SH3RF1: variants seen among roughly 807,000 people sequenced by gnomAD.
The protein encoded by SH3RF1 is SH3 domain containing ring finger 1.
Under a neutral mutation model 74.0 loss-of-function variants are expected in SH3RF1, and 32 were observed. That is an observed-to-expected ratio of 0.43 (90% CI 0.33 to 0.58). The LOEUF is 0.58. SH3RF1 is among the 20% of genes least tolerant of loss of function. The pLI, the probability that SH3RF1 is intolerant of heterozygous loss-of-function variation, is 0.05. For synonymous variants in SH3RF1, 396 were observed against 439.6 expected (o/e 0.90, Z 1.24); for missense variants, 954 against 1,130.9 (o/e 0.84, Z 2.24).
At chr4:169,195,993 T>C (rs1734804218) in intron 2 of SH3RF1, among the ~76,000 whole-genome samples, 1 of 152,178 alleles carries the variant, frequency 6.6e-6, no homozygotes, top group Admixed American at 6.5e-5. Flanking sequence ...TTTATATTTT[T>C]AGTAGAGACA....
chr4:169,229,882 T>C (rs1024230358), intron 2 of SH3RF1, among the ~76,000 whole-genome samples: 1 of 152,216 alleles, frequency 6.6e-6, no homozygotes, highest in African/African-American at 2.4e-5. Flanking sequence ...CTGCTGTCTC[T>C]AATTGTATTT....
In SH3RF1 at chr4:169,107,184, TCAA is replaced by T; in HGVS notation, c.2158_2160del (p.Leu720del). 6.4e-7 allele frequency: 1 copy of T among 1,552,892 alleles called. No individual in the cohort carries two copies. Among genetic ancestry groups the T allele is most frequent in the Non-Finnish European group, 8.7e-7 (1 of 1,150,898 alleles). On this transcript the variant is annotated inframe_deletion, in exon 11 of 12. Coordinates refer to ENST00000284637, the MANE Select transcript of SH3RF1 (RefSeq NM_020870.4). ...TTAGTGGAGGCGCCAGAAAGCAACT[TCAA>T]CAAACCCTTTTTTTCTTTCTGGAAA... is the stretch of plus-strand genomic sequence containing the variant.
chr4:169,251,422 A>G (rs1561064972), intron 2 of SH3RF1, among the ~76,000 whole-genome samples: 1 of 152,200 alleles, frequency 6.6e-6, no homozygotes, highest in Non-Finnish European at 1.5e-5. Flanking sequence ...ATCGTGCACA[A>G]AACAAGATGA....
chr4:169,113,819 G>T (rs1442320729), intron 10 of SH3RF1, among the ~76,000 whole-genome samples: 2 of 152,210 alleles, frequency 1.3e-5, no homozygotes, highest in Non-Finnish European at 2.9e-5. Context: ...TTTGAAATCT[G>T]TGATATGAGG....
In SH3RF1 at chr4:169,174,695, C is replaced by A. The variant is rs558113274; in HGVS notation, c.394-18016G>T. Among the ~76,000 whole-genome samples, 3 of 152,302 alleles carry A rather than the reference C, an allele frequency of 2.0e-5. No homozygotes were observed. The South Asian group carries it at 6.2e-4, about 32-fold the overall frequency. On this transcript the variant is annotated intron_variant, in intron 2 of 11. Coordinates refer to ENST00000284637, the MANE Select transcript of SH3RF1 (RefSeq NM_020870.4). ...CACAAGCCATTCTCAACCCTGACTGCATATTAGGATCAACTAGGGAGTCAT... is the reference window on the plus strand; with the variant it reads ...CACAAGCCATTCTCAACCCTGACTGAATATTAGGATCAACTAGGGAGTCAT...
intron 2 of SH3RF1, among the ~76,000 whole-genome samples, chr4:169,174,403 C>A (rs1433410345): frequency 1.3e-5 from 2 of 152,162 alleles, no homozygotes; most frequent in Non-Finnish European, 2.9e-5. Context: ...GCACGAATCA[C>A]CTGGACTTCC....
intron 2 of SH3RF1, among the ~76,000 whole-genome samples, chr4:169,176,057 C>A (rs1466325830): frequency 6.6e-6 from 1 of 152,176 alleles, no homozygotes; most frequent in Non-Finnish European, 1.5e-5. Flanking sequence ...CCATGGAGCA[C>A]ACAGTAAGAA....
chr4:169,171,346 G>A (rs1014543059), intron 2 of SH3RF1, among the ~76,000 whole-genome samples: 2 of 152,170 alleles, frequency 1.3e-5, no homozygotes, highest in African/African-American at 4.8e-5. Flanking sequence ...ATTAAATTAT[G>A]TTGAGTTTGT....
intron 2 of SH3RF1, among the ~76,000 whole-genome samples, chr4:169,179,495 C>G (rs1244821241): frequency 1.3e-5 from 2 of 152,198 alleles, no homozygotes; most frequent in Admixed American, 6.5e-5. Flanking sequence ...GAACCAATAT[C>G]CAAAATTCTC....
chr4:169,173,848 A>G (rs1463298571), intron 2 of SH3RF1, among the ~76,000 whole-genome samples: 1 of 152,084 alleles, frequency 6.6e-6, no homozygotes, highest in East Asian at 1.9e-4. Flanking sequence ...CAGAGACAAG[A>G]TTTTTAAATG....
intron 2 of SH3RF1, among the ~76,000 whole-genome samples, chr4:169,266,666 T>C (rs1181701414): frequency 1.3e-5 from 2 of 151,830 alleles, no homozygotes; most frequent in Non-Finnish European, 2.9e-5. Flanking sequence ...GGTCTTGCTA[T>C]GTTGTCTAGG....
chr4:169,192,103 C>T (rs1734728637), intron 2 of SH3RF1, among the ~76,000 whole-genome samples: 1 of 152,116 alleles, frequency 6.6e-6, no homozygotes, highest in African/African-American at 2.4e-5. Context: ...GCAGAGTAAA[C>T]AGACAACCCA....
intron 11 of SH3RF1, among the ~76,000 whole-genome samples, chr4:169,105,219 G>A (rs1171217798): frequency 3.3e-5 from 5 of 152,040 alleles, no homozygotes; most frequent in Middle Eastern, 3.2e-3. Flanking sequence ...CAGGCACAGA[G>A]GAAATGAAGC....
At chr4:169,228,282 C>A (rs1315164073) in intron 2 of SH3RF1, among the ~76,000 whole-genome samples, 1 of 152,184 alleles carries the variant, frequency 6.6e-6, no homozygotes, top group Admixed American at 6.5e-5. Context: ...CAAATTAGCA[C>A]AAACTTCATG....
intron 4 of SH3RF1, among the ~76,000 whole-genome samples, chr4:169,154,923 T>C (rs1031879004): frequency 6.6e-6 from 1 of 152,162 alleles, no homozygotes; most frequent in African/African-American, 2.4e-5. Flanking sequence ...CTAAAAAGAC[T>C]TTACTATGTC....
At chr4:169,246,702 T>A (rs1359343342) in intron 2 of SH3RF1, among the ~76,000 whole-genome samples, 1 of 152,220 alleles carries the variant, frequency 6.6e-6, no homozygotes, top group African/African-American at 2.4e-5. Flanking sequence ...CAAATCAAAT[T>A]ACCAAGGAGC....
intron 9 of SH3RF1, 126 bp downstream of exon 9, chr4:169,117,397 A>G: frequency 7.2e-7 from 1 of 1,394,324 alleles, no homozygotes; most frequent in Non-Finnish European, 9.8e-7. Flanking sequence ...GCCACTGAGT[A>G]GACTTTGCCT....
chr4:169,197,614 G>C (rs4048789), intron 2 of SH3RF1, among the ~76,000 whole-genome samples: 41,908 of 120,674 alleles, frequency 0.35, 6,931 homozygotes, highest in Middle Eastern at 0.45. Context: ...ACAAAAGCAA[G>C]ACTCTGTCTC....
intron 2 of SH3RF1, among the ~76,000 whole-genome samples, chr4:169,176,149 G>GTGAGAAATAAATCTC: frequency 6.6e-6 from 1 of 152,286 alleles, no homozygotes; most frequent in Non-Finnish European, 1.5e-5. Context: ...GTCCAGAACT[G>GTGAGAAATAAATCTC]TGAGAAATAA....
Sources: gnomAD v4.1 joint callset for allele counts (sites outside exome capture counted in the v4.1 genomes callset) on GRCh38, gnomAD v4.1.1 for gene constraint, MANE v1.5 for transcripts, NCBI Gene and HGNC (gene_info 2026-07-23, HGNC 2026-07-21) for gene names.